Variants in SH3RF2 observed in about 807,000 individuals in gnomAD.
The protein encoded by SH3RF2 is E3 ubiquitin-protein ligase SH3RF2.
A neutral mutation model predicts 59.0 loss-of-function variants in SH3RF2; 43 were observed. The observed-to-expected ratio is 0.73, with a 90% confidence interval of 0.57 to 0.94. SH3RF2 has a LOEUF of 0.94. SH3RF2 is among the 40% of genes least tolerant of loss of function. The pLI, the probability that SH3RF2 is intolerant of heterozygous loss-of-function variation, is 0.00. For missense variants in SH3RF2, 930 were observed against 940.1 expected (o/e 0.99, Z 0.14); for synonymous variants, 391 against 391.5 (o/e 1.00, Z 0.01).
At chr5:146,005,073 T>A (rs775026769) in intron 4 of SH3RF2, among the ~76,000 whole-genome samples, 37 of 152,176 alleles carry the variant, frequency 2.4e-4, no homozygotes, top group Non-Finnish European at 3.5e-4. Context: ...AGATTCTAGA[T>A]GCTTTTCATT....
intron 5 of SH3RF2, among the ~76,000 whole-genome samples, chr5:146,039,752 G>A (rs534881327): frequency 2.0e-5 from 3 of 152,108 alleles, no homozygotes; most frequent in Non-Finnish European, 2.9e-5. Flanking sequence ...ACTCCTAGAC[G>A]CATATCCTGG....
intron 2 of SH3RF2, among the ~76,000 whole-genome samples, chr5:145,982,518 C>G (rs1289839066): frequency 6.6e-6 from 1 of 152,198 alleles, no homozygotes; most frequent in Non-Finnish European, 1.5e-5. Flanking sequence ...AAACCTTAAC[C>G]AATCTATGAA....
At chr5:146,010,657 T>G (rs559429084) in intron 4 of SH3RF2, among the ~76,000 whole-genome samples, 69 of 152,346 alleles carry the variant, frequency 4.5e-4, no homozygotes, top group African/African-American at 1.6e-3. Flanking sequence ...TCATGTGTCT[T>G]TTTGCTGCAT....
downstream of SH3RF2, among the ~76,000 whole-genome samples, chr5:146,066,442 G>C (rs189254112): frequency 7.3e-4 from 111 of 152,288 alleles, no homozygotes; most frequent in Non-Finnish European, 1.1e-3. Context: ...ATGATACAAA[G>C]TGACTTAAAC....
intron 5 of SH3RF2, among the ~76,000 whole-genome samples, chr5:146,039,750 A>G (rs1762061957): frequency 6.6e-6 from 1 of 152,186 alleles, no homozygotes; most frequent in Non-Finnish European, 1.5e-5. Context: ...CCACTCCTAG[A>G]CGCATATCCT....
intron 2 of SH3RF2, 39 bp downstream of exon 2, chr5:145,938,345 G>A: frequency 4.0e-6 from 6 of 1,501,584 alleles, no homozygotes; most frequent in Non-Finnish European, 5.3e-6. Flanking sequence ...TGTCCACATA[G>A]AGGTTGGATT....
At position 146,011,802 on chromosome 5, in the gene SH3RF2, A is replaced by C. The variant is rs570744670; in HGVS notation, c.745-1945A>C. Among the ~76,000 whole-genome samples the C allele has an allele frequency of 1.8e-4, 28 of 152,230 alleles. No homozygotes were observed. In the East Asian group the frequency reaches 4.8e-3, roughly 26 times the overall value. Reference sequence around the variant, plus strand: ...TGGGCTAAGACGATGGGGTTTTCTAAATATACAATCATGTCATCTGCAAAG... The same window carrying C: ...TGGGCTAAGACGATGGGGTTTTCTACATATACAATCATGTCATCTGCAAAG... On this transcript the variant is annotated intron_variant, in intron 4 of 9. Transcript: ENST00000359120.
At chr5:146,051,407 A>G (rs1019832421) in intron 7 of SH3RF2, among the ~76,000 whole-genome samples, 7 of 152,244 alleles carry the variant, frequency 4.6e-5, no homozygotes, top group African/African-American at 1.7e-4. Flanking sequence ...AGGGGGAAGC[A>G]GAAAAACTAG....
intron 5 of SH3RF2, among the ~76,000 whole-genome samples, chr5:146,038,029 G>A (rs1328884193): frequency 6.6e-6 from 1 of 152,120 alleles, no homozygotes; most frequent in Non-Finnish European, 1.5e-5. Context: ...TTTAGCATTA[G>A]AAAATTAACT....
downstream of SH3RF2, among the ~76,000 whole-genome samples, chr5:146,063,508 G>A (rs1033916921): frequency 9.2e-5 from 14 of 152,172 alleles, no homozygotes; most frequent in Admixed American, 3.3e-4. Flanking sequence ...AAAACACAGC[G>A]TGCTTACAAA....
chr5:145,982,941 C>A (rs142430918), intron 2 of SH3RF2, among the ~76,000 whole-genome samples: 1 of 152,130 alleles, frequency 6.6e-6, no homozygotes, highest in Non-Finnish European at 1.5e-5. Flanking sequence ...CTAGATCCAC[C>A]AAATAGGCAT....
chr5:145,961,122 G>A (rs557363490), intron 2 of SH3RF2, among the ~76,000 whole-genome samples: 4 of 147,278 alleles, frequency 2.7e-5, no homozygotes, highest in Non-Finnish European at 5.9e-5. Context: ...AATTGATAAC[G>A]TTCTTGAAGA....
chr5:146,069,230 G>A (rs1672274832), intron 9 of SH3RF2, among the ~76,000 whole-genome samples: 1 of 152,228 alleles, frequency 6.6e-6, no homozygotes, highest in African/African-American at 2.4e-5. Context: ...AACTGATTTT[G>A]ATGCGCCAAC....
At position 145,937,959 on chromosome 5, in the gene SH3RF2, G is replaced by A; in HGVS notation, c.31G>A (p.Glu11Lys). 1.2e-6 allele frequency: 2 copies of A among 1,614,040 alleles called. No homozygotes were observed. The highest frequency in any genetic ancestry group is 2.2e-5 in the South Asian group (2 of 91,070). Residue 11 changes from glutamate (E) to lysine (K), a missense_variant, in exon 2 of 10, where the codon GAG becomes AAG. Coordinates refer to ENST00000359120, the MANE Select transcript of SH3RF2 (RefSeq NM_152550.4). ...TGATTTGACGTTACTTGATCTTCTG[G>A]AGTGCCCTGTGTGCTTTGAGAAGCT... MDDLTLLDLL[E>K]CPVCFEKLDV...
At chr5:146,018,041 AC>A (rs1717863044) in intron 5 of SH3RF2, among the ~76,000 whole-genome samples, 1 of 152,168 alleles carries the variant, frequency 6.6e-6, no homozygotes, top group Admixed American at 6.5e-5. Flanking sequence ...ATTTTACCAA[AC>A]GGGAAAACTC....
chr5:146,033,009 C>T (rs1202318017), intron 5 of SH3RF2, among the ~76,000 whole-genome samples: 1 of 152,216 alleles, frequency 6.6e-6, no homozygotes, highest in African/African-American at 2.4e-5. Flanking sequence ...TCTGAAGTCA[C>T]AGTCACATCA....
At chr5:146,028,588 T>C (rs13167653) in intron 5 of SH3RF2, among the ~76,000 whole-genome samples, 46,631 of 151,974 alleles carry the variant, frequency 0.31, 8,071 homozygotes, top group Non-Finnish European at 0.38. Flanking sequence ...CACTGATGCC[T>C]GTAGCACCCA....
chr5:145,995,042 G>A (rs1397716441), intron 2 of SH3RF2, among the ~76,000 whole-genome samples: 2 of 151,528 alleles, frequency 1.3e-5, no homozygotes, highest in African/African-American at 4.8e-5. Context: ...CAGCAAGGTG[G>A]AAGTTTATTT....
intron 5 of SH3RF2, among the ~76,000 whole-genome samples, chr5:146,030,263 A>T (rs1327050289): frequency 6.6e-6 from 1 of 152,162 alleles, no homozygotes; most frequent in East Asian, 1.9e-4. Flanking sequence ...TGGTGTGTCT[A>T]CCATGTGCCC....
Sources: gnomAD v4.1 joint callset for allele counts (sites outside exome capture counted in the v4.1 genomes callset) on GRCh38, gnomAD v4.1.1 for gene constraint, MANE v1.5 for transcripts, NCBI Gene and HGNC (gene_info 2026-07-23, HGNC 2026-07-21) for gene names.